UBE3A: variants seen among roughly 807,000 people sequenced by gnomAD.
The protein encoded by UBE3A is ubiquitin protein ligase E3A.
Under a neutral mutation model 83.4 loss-of-function variants are expected in UBE3A, and 6 were observed. The ratio of observed to expected loss-of-function variants is 0.07; its 90% CI spans 0.04 to 0.14. The LOEUF is 0.14. Among genes scored for constraint, UBE3A ranks in the 10% least tolerant of loss-of-function variants. The pLI, the probability that UBE3A is intolerant of heterozygous loss-of-function variation, is 1.00. For synonymous variants in UBE3A, 337 were observed against 355.4 expected, an observed-to-expected ratio of 0.95 and a Z score of 0.58; for missense variants, 456 against 1,036.1, an observed-to-expected ratio of 0.44 and a Z score of 7.69.
intron 1 of UBE3A, among the ~76,000 whole-genome samples, chr15:25,417,606 A>C (rs1041180126): frequency 3.3e-5 from 5 of 152,106 alleles, no homozygotes; most frequent in African/African-American, 1.2e-4. Context: ...CATGAATAAA[A>C]TGAATCAAAT....
At chr15:25,360,903 A>AGAT (rs2077964953) in intron 6 of UBE3A, among the ~76,000 whole-genome samples, 1 of 152,220 alleles carries the variant, frequency 6.6e-6, no homozygotes, top group South Asian at 2.1e-4. Flanking sequence ...ATTGTTCATT[A>AGAT]GTAGTCCTTT....
At chr15:25,431,542 CA>C (rs1893450018) in intron 1 of UBE3A, among the ~76,000 whole-genome samples, 1 of 152,024 alleles carries the variant, frequency 6.6e-6, no homozygotes, top group South Asian at 2.1e-4. Flanking sequence ...AGGGTTTCAC[CA>C]TGTTGGCCAG....
At chr15:25,340,591 T>G (rs546489545) in intron 11 of UBE3A, among the ~76,000 whole-genome samples, 10 of 152,218 alleles carry the variant, frequency 6.6e-5, no homozygotes, top group African/African-American at 2.2e-4. Flanking sequence ...GAAATGAATA[T>G]TTGGAAAAAT....
chr15:25,415,602 G>C lies in UBE3A; in HGVS notation c.-164-3631C>G, dbSNP rs537065775. 11 of 151,674 alleles carry C rather than the reference G, an allele frequency of 7.3e-5. No homozygotes were observed. In the East Asian group the frequency reaches 2.1e-3, roughly 29 times the overall value. 9.4% of individuals were successfully genotyped at this position (151,674 alleles called of 1,614,324 possible). Reference sequence around the variant, plus strand: ...TCATTCTAAACACTGTATCTCACAGGGTTATCTAAACTCTTATACATAATC... The same window carrying C: ...TCATTCTAAACACTGTATCTCACAGCGTTATCTAAACTCTTATACATAATC... On this transcript the variant is annotated intron_variant, in intron 1 of 12. Coordinates refer to ENST00000648336, the MANE Select transcript of UBE3A (RefSeq NM_130839.5).
intron 1 of UBE3A, among the ~76,000 whole-genome samples, chr15:25,424,774 T>A (rs1890840361): frequency 6.6e-6 from 1 of 152,062 alleles, no homozygotes; most frequent in Non-Finnish European, 1.5e-5. Flanking sequence ...TGCAATACCA[T>A]CAAAACATAA....
rs1049583224 is a variant in UBE3A at position 25,432,659 on chromosome 15, G to T, written c.-165+5830C>A. On this transcript the variant is annotated intron_variant, in intron 1 of 12. Transcript: ENST00000648336. The stretch of plus-strand genomic sequence containing the variant: ...GTTTCTATAACTAAAGTCTGTGCTA[G>T]ACTAACCTCAATTGATCCTGAGGAG... 3.9e-5 allele frequency among the ~76,000 whole-genome samples: 6 copies of T among 152,260 alleles called. No homozygotes were observed. In the East Asian group the frequency reaches 1.2e-3, roughly 29 times the overall value.
intron 1 of UBE3A, chr15:25,418,441 C>A (rs61998993): frequency 0.62 from 93,713 of 151,962 alleles, 32,602 homozygotes; most frequent in Non-Finnish European, 0.78. Flanking sequence ...CACAAACCAC[C>A]GAAACATTCA....
At chr15:25,362,825 TA>T (rs1229142557) in intron 6 of UBE3A, among the ~76,000 whole-genome samples, 1 of 152,206 alleles carries the variant, frequency 6.6e-6, no homozygotes, top group East Asian at 1.9e-4. Context: ...GTTAAAGATG[TA>T]AGTCAGTGTT....
At chr15:25,380,298 C>T (rs757893579) in intron 4 of UBE3A, among the ~76,000 whole-genome samples, 2 of 151,882 alleles carry the variant, frequency 1.3e-5, no homozygotes, top group Non-Finnish European at 2.9e-5. Context: ...AGGACTAATA[C>T]AATATACTAT....
intron 3 of UBE3A, chr15:25,408,700 A>T: frequency 4.4e-6 from 7 of 1,577,566 alleles, no homozygotes; most frequent in Non-Finnish European, 6.0e-6. Flanking sequence ...AGAGAAAAGT[A>T]TACTAGTTTT....
intron 1 of UBE3A, among the ~76,000 whole-genome samples, chr15:25,435,793 G>C (rs1894885281): frequency 6.6e-6 from 1 of 151,976 alleles, no homozygotes. Context: ...CACATTCTCT[G>C]GTAAACACTA....
intron 6 of UBE3A, among the ~76,000 whole-genome samples, chr15:25,361,162 G>A: frequency 7.4e-6 from 1 of 135,340 alleles, no homozygotes; most frequent in South Asian, 2.3e-4. Flanking sequence ...ATCTCACTCT[G>A]TCGCCTAGGC....
intron 4 of UBE3A, among the ~76,000 whole-genome samples, chr15:25,379,483 G>A (rs2081798527): frequency 1.3e-5 from 2 of 152,174 alleles, no homozygotes; most frequent in African/African-American, 4.8e-5. Context: ...ACACTGATGA[G>A]ACAGGACTAA....
In UBE3A at chr15:25,364,751, C is replaced by T. The variant is rs111647525; in HGVS notation, c.1609-4224G>A. ...CCCCGCCTCCCAGGTTCATGCCATT[C>T]TCCTGCCTCAGCCTCCCGAGTAGCT... On this transcript the variant is annotated intron_variant, in intron 6 of 12. Coordinates refer to ENST00000648336, the MANE Select transcript of UBE3A (RefSeq NM_130839.5). Among the ~76,000 whole-genome samples the T allele has an allele frequency of 2.7e-3, 405 of 151,028 alleles. 2 individuals carry two copies. The highest frequency in any genetic ancestry group is 0.017 in the Middle Eastern group (5 of 292).
intron 4 of UBE3A, among the ~76,000 whole-genome samples, chr15:25,398,785 A>AATATATATATATATATTCTTTTATT (rs1242882764): frequency 2.8e-5 from 1 of 35,368 alleles, no homozygotes; most frequent in African/African-American, 1.0e-4. Flanking sequence ...ATATATATAT[A>AATATATATATATATATTCTTTTATT]TATATATATA....
intron 4 of UBE3A, among the ~76,000 whole-genome samples, chr15:25,385,515 C>T (rs1011722362): frequency 1.3e-5 from 2 of 151,990 alleles, no homozygotes; most frequent in Non-Finnish European, 2.9e-5. Flanking sequence ...TGGTGCCAGG[C>T]ACTGTGGAAA....
intron 5 of UBE3A, chr15:25,374,260 G>A (rs140502424): frequency 2.0e-5 from 3 of 152,348 alleles, no homozygotes; most frequent in African/African-American, 7.2e-5. Context: ...CATAAAGACT[G>A]GATAAAGCCA....
At chr15:25,359,560 T>C (rs977619683) in intron 7 of UBE3A, among the ~76,000 whole-genome samples, 2 of 152,054 alleles carry the variant, frequency 1.3e-5, no homozygotes, top group Admixed American at 6.6e-5. Flanking sequence ...CATTATTCTA[T>C]GCACACTCCT....
At chr15:25,368,245 G>A (rs2079651427) in intron 6 of UBE3A, among the ~76,000 whole-genome samples, 1 of 152,108 alleles carries the variant, frequency 6.6e-6, no homozygotes, top group African/African-American at 2.4e-5. Context: ...CTTCTACTAT[G>A]TGTTACTAAA....
Sources: gnomAD v4.1 joint callset for allele counts (sites outside exome capture counted in the v4.1 genomes callset) on GRCh38, gnomAD v4.1.1 for gene constraint, MANE v1.5 for transcripts, NCBI Gene and HGNC (gene_info 2026-07-23, HGNC 2026-07-21) for gene names.